Variants in ITCH observed in about 807,000 individuals in gnomAD.
The protein encoded by ITCH is itchy E3 ubiquitin protein ligase.
Under a neutral mutation model 126.8 loss-of-function variants are expected in ITCH, and 28 were observed. The ratio of observed to expected loss-of-function variants is 0.22; its 90% CI spans 0.16 to 0.30. The LOEUF (loss-of-function observed/expected upper bound fraction) is 0.30. Ranked by LOEUF, ITCH falls within the 10% of genes least tolerant of loss-of-function variation. ITCH has a pLI of 1.00. For missense variants in ITCH, 631 were observed against 1,032.4 expected (o/e 0.61, Z 5.33); for synonymous variants, 342 against 340.0 (o/e 1.01, Z -0.06).
chr20:34,457,581 T>A, intron 13 of ITCH, 107 bp downstream of exon 13: 2 of 765,624 alleles, frequency 2.6e-6, no homozygotes, highest in Non-Finnish European at 4.6e-6. Flanking sequence ...CCTAAAACGT[T>A]AATCACCTAC....
intron 4 of ITCH, 102 bp from the exon 5 acceptor site, chr20:34,412,413 A>T: frequency 1.2e-6 from 1 of 846,380 alleles, no homozygotes; most frequent in Non-Finnish European, 1.9e-6. Context: ...TAAGGGGTGC[A>T]GTGAGAAGAC....
chr20:34,400,826 TG>T (rs894382558), intron 3 of ITCH, among the ~76,000 whole-genome samples: 1 of 151,882 alleles, frequency 6.6e-6, no homozygotes, highest in African/African-American at 2.4e-5. Flanking sequence ...GACTTGATCT[TG>T]GCTCACTGCA....
intron 3 of ITCH, among the ~76,000 whole-genome samples, chr20:34,399,023 T>G (rs1018040753): frequency 3.3e-5 from 5 of 152,162 alleles, no homozygotes; most frequent in African/African-American, 1.2e-4. Context: ...AATGGGTCAG[T>G]TATAGTATTT....
chr20:34,456,644 ATAT>A (rs1408619778), intron 12 of ITCH, among the ~76,000 whole-genome samples: 19 of 90,402 alleles, frequency 2.1e-4, no homozygotes, highest in East Asian at 8.0e-4. Flanking sequence ...AAAAAAAAAA[ATAT>A]ATATATATAT....
chr20:34,370,188 T>G (rs1460788026), intron 2 of ITCH, among the ~76,000 whole-genome samples: 1 of 152,004 alleles, frequency 6.6e-6, no homozygotes, highest in Non-Finnish European at 1.5e-5. Flanking sequence ...TCCGATTTGA[T>G]TTTGCCACTG....
chr20:34,449,582 T>TG, intron 12 of ITCH, 102 bp downstream of exon 12: 1 of 812,150 alleles, frequency 1.2e-6, no homozygotes, highest in Non-Finnish European at 2.1e-6. Context: ...ACTGTGCTCT[T>TG]GCTTGAGTGA....
At position 34,408,494 on chromosome 20, in the gene ITCH, G is replaced by C. The variant is rs533791321; in HGVS notation, c.71-157G>C. ...TATTTATTTACTAGGATGGGAGGAA[G>C]TACAAAGGTTATGAGTGAATAAAAT... On this transcript the variant is annotated intron_variant, in intron 3 of 24. Coordinates refer to ENST00000374864, the MANE Select transcript of ITCH (RefSeq NM_031483.7). Among the ~76,000 whole-genome samples, 54 of 152,324 alleles carry C rather than the reference G, an allele frequency of 3.5e-4. No homozygotes were observed. The South Asian group carries it at 3.7e-3, about 11-fold the overall frequency.
At chr20:34,507,455 A>G (rs1478758847) in intron 24 of ITCH, among the ~76,000 whole-genome samples, 2 of 151,052 alleles carry the variant, frequency 1.3e-5, no homozygotes, top group African/African-American at 4.9e-5. Context: ...TCCTTTGTTC[A>G]TTTTTAAATA....
At chr20:34,377,521 C>G (rs1035719112) in intron 2 of ITCH, among the ~76,000 whole-genome samples, 16 of 152,036 alleles carry the variant, frequency 1.1e-4, no homozygotes, top group African/African-American at 3.9e-4. Context: ...GAAACAATGA[C>G]AAATGGCTTG....
In ITCH at chr20:34,369,521, C is replaced by T. The variant is rs1568849259; in HGVS notation, c.-22+51C>T. ...TTGGGGGCAAGAGTGATGCAGAGGC[C>T]AAGCTCTGGTCTTATACCTGCTGTG... On this transcript the variant is annotated intron_variant, in intron 2 of 24. Coordinates refer to ENST00000374864, the MANE Select transcript of ITCH (RefSeq NM_031483.7). The T allele has an allele frequency of 1.0e-5, 4 of 397,300 alleles. No homozygotes were observed. The East Asian group carries it at 1.4e-4, about 14-fold the overall frequency. The allele number at this position is 397,300 out of a possible 1,614,324, so 24.6% of individuals were successfully genotyped here.
intron 20 of ITCH, among the ~76,000 whole-genome samples, chr20:34,487,503 G>A (rs1387916925): frequency 2.0e-5 from 3 of 151,960 alleles, no homozygotes; most frequent in Non-Finnish European, 4.4e-5. Context: ...TTTGAATAAA[G>A]CAATTTTTAC....
At chr20:34,451,158 C>A (rs1356045824) in intron 12 of ITCH, among the ~76,000 whole-genome samples, 1 of 152,034 alleles carries the variant, frequency 6.6e-6, no homozygotes. Flanking sequence ...GGCTTGGTGG[C>A]CCGTGCCTGT....
At chr20:34,478,045 A>G (rs1432392546) in intron 17 of ITCH, 185 bp downstream of exon 17, 5 of 699,600 alleles carry the variant, frequency 7.1e-6, no homozygotes, top group African/African-American at 1.8e-5. Context: ...TTTCTATGTC[A>G]TGTACAGCTG....
intron 2 of ITCH, among the ~76,000 whole-genome samples, chr20:34,384,566 G>A (rs942069673): frequency 2.0e-5 from 3 of 151,556 alleles, no homozygotes; most frequent in Non-Finnish European, 4.4e-5. Flanking sequence ...GGCTTGAGCC[G>A]CCGTGCCCAG....
intron 3 of ITCH, chr20:34,402,023 A>G: frequency 3.4e-6 from 2 of 595,192 alleles, no homozygotes; most frequent in Non-Finnish European, 6.0e-6. Flanking sequence ...ACATGTGGGT[A>G]GGTGCAGTGC....
In ITCH at chr20:34,483,359, A is replaced by G. The variant is rs12053649; in HGVS notation, c.2093+2153A>G. Among the ~76,000 whole-genome samples, 5 of 152,300 alleles carry G rather than the reference A, an allele frequency of 3.3e-5. No homozygotes were observed. The East Asian group carries it at 9.7e-4, about 29-fold the overall frequency. ...AACTTTTATGCTCTGCTTCCCTTAC[A>G]AAACTGAATGCCTTTAACAGCACGC... is the stretch of plus-strand genomic sequence containing the variant. On this transcript the variant is annotated intron_variant, in intron 20 of 24. Coordinates refer to ENST00000374864, the MANE Select transcript of ITCH (RefSeq NM_031483.7).
chr20:34,396,535 A>C (rs1178021704), intron 3 of ITCH, among the ~76,000 whole-genome samples: 1 of 151,400 alleles, frequency 6.6e-6, no homozygotes, highest in Non-Finnish European at 1.5e-5. Context: ...ACCAGGTGAC[A>C]GTCTGCTCTG....
intron 22 of ITCH, 35 bp downstream of exon 22, chr20:34,489,961 A>T (rs1164792785): frequency 6.6e-7 from 1 of 1,521,394 alleles, no homozygotes; most frequent in South Asian, 1.1e-5. Context: ...TAGTTGACAC[A>T]GCATAATTTT....
At chr20:34,388,402 T>G (rs1343051843) in intron 2 of ITCH, among the ~76,000 whole-genome samples, 1 of 152,128 alleles carries the variant, frequency 6.6e-6, no homozygotes, top group Admixed American at 6.6e-5. Context: ...TCTTTTTTTT[T>G]GAGATGAGGT....
Sources: allele counts gnomAD v4.1 joint callset (sites outside exome capture counted in the v4.1 genomes callset), GRCh38; gene constraint gnomAD v4.1.1; transcripts MANE v1.5; gene names NCBI Gene and HGNC (gene_info 2026-07-23, HGNC 2026-07-21).